Variants in CYP2J2 observed in about 807,000 individuals in gnomAD.
The protein encoded by CYP2J2 is cytochrome P450 2J2.
CYP2J2 carries 41 observed loss-of-function variants against 48.8 expected under a neutral mutation model. That is an observed-to-expected ratio of 0.84 (90% confidence interval 0.66 to 1.09). The LOEUF is 1.09. Ranked by LOEUF, CYP2J2 falls within the 50% of genes least tolerant of loss-of-function variation. The pLI, the probability that CYP2J2 is intolerant of heterozygous loss-of-function variation, is 0.00. For synonymous variants in CYP2J2, 221 were observed against 227.1 expected, an observed-to-expected ratio of 0.97 and a Z score of 0.24; for missense variants, 644 against 617.3, an observed-to-expected ratio of 1.04 and a Z score of -0.46.
chr1:59,959,716 A>T, the CYP2J2 span, among the ~76,000 whole-genome samples: 1 of 152,158 alleles, frequency 6.6e-6, no homozygotes, highest in Admixed American at 6.5e-5. Flanking sequence ...CTACTCAACC[A>T]TAAAAAGGAA....
rs11572247 is a variant in CYP2J2, at chr1:59,915,226, G to A, written c.373+712C>T. 5.8e-3 allele frequency among the ~76,000 whole-genome samples: 889 copies of A among 152,238 alleles called. 7 individuals are homozygous for A. The highest frequency in any genetic ancestry group is 0.019 in the African/African-American group (810 of 41,542). On this transcript the variant is annotated intron_variant, in intron 2 of 8. Transcript: ENST00000371204. Reference sequence around the variant, plus strand: ...GAAGTCAGAGACCGGTGCCAGTGCAGGTCCTTGGTATGCTGAGCGCCAGTC... The same window carrying A: ...GAAGTCAGAGACCGGTGCCAGTGCAAGTCCTTGGTATGCTGAGCGCCAGTC...
intron 7 of CYP2J2, among the ~76,000 whole-genome samples, chr1:59,904,092 G>A (rs985003125): frequency 4.6e-5 from 7 of 152,076 alleles, no homozygotes; most frequent in Admixed American, 1.3e-4. Context: ...TTATACATCT[G>A]TCAGAAGCAG....
At chr1:59,935,960 CAA>C in the CYP2J2 span, among the ~76,000 whole-genome samples, 1 of 151,684 alleles carries the variant, frequency 6.6e-6, no homozygotes, top group African/African-American at 2.4e-5. Flanking sequence ...GTTTTTAGTA[CAA>C]AAAAAAGTTT....
chr1:59,946,128 G>C, the CYP2J2 span, among the ~76,000 whole-genome samples: 1 of 152,102 alleles, frequency 6.6e-6, no homozygotes, highest in Non-Finnish European at 1.5e-5. Context: ...CAAAGTAAAA[G>C]CCACCATCCT....
the CYP2J2 span, among the ~76,000 whole-genome samples, chr1:59,939,377 T>A: frequency 2.0e-5 from 3 of 152,144 alleles, no homozygotes; most frequent in African/African-American, 7.2e-5. Flanking sequence ...TCTCGAAGAA[T>A]TCTCAGGCTT....
upstream of CYP2J2, among the ~76,000 whole-genome samples, chr1:59,927,514 CAT>C (rs1644577563): frequency 6.6e-6 from 1 of 152,168 alleles, no homozygotes; most frequent in African/African-American, 2.4e-5. Context: ...AAACATGAAA[CAT>C]AGCTCAGGAA....
chr1:59,958,694 C>T, the CYP2J2 span, among the ~76,000 whole-genome samples: 19 of 152,140 alleles, frequency 1.2e-4, no homozygotes, highest in Non-Finnish European at 1.8e-4. Flanking sequence ...TCTTAACCAC[C>T]ACATTACAGA....
chr1:59,901,105 T>C lies in CYP2J2; in HGVS notation c.1192-2A>G, dbSNP rs1461845708. The C allele has an allele frequency of 4.3e-6, 7 of 1,612,092 alleles. No individual in the cohort carries two copies. Among genetic ancestry groups the C allele is most frequent in the Non-Finnish European group, 5.9e-6 (7 of 1,178,386 alleles). ...CAAATTGGTCAGGATCATGGTACCC[T>C]AGAGAAAGCAGCAGAGACTCAGGCA... On this transcript the variant is annotated splice_acceptor_variant, in intron 7 of 8. Transcript: ENST00000371204. LOFTEE classifies it high-confidence loss of function.
the CYP2J2 span, among the ~76,000 whole-genome samples, chr1:59,937,909 CTTGA>C: frequency 2.6e-5 from 4 of 152,124 alleles, no homozygotes; most frequent in East Asian, 3.9e-4. Context: ...AGAATTTCTG[CTTGA>C]TTCTTTTTAA....
chr1:59,897,616 T>C (rs1458921111), intron 8 of CYP2J2, among the ~76,000 whole-genome samples: 5 of 152,202 alleles, frequency 3.3e-5, no homozygotes, highest in Non-Finnish European at 5.9e-5. Context: ...TGACTTACAA[T>C]TTTGGCAAAG....
chr1:59,900,505 A>T (rs975419662), intron 8 of CYP2J2, among the ~76,000 whole-genome samples: 1 of 152,160 alleles, frequency 6.6e-6, no homozygotes, highest in African/African-American at 2.4e-5. Context: ...ATGGTGGTGC[A>T]TGCCTGTAAT....
chr1:59,947,496 G>C, the CYP2J2 span, among the ~76,000 whole-genome samples: 1 of 152,118 alleles, frequency 6.6e-6, no homozygotes, highest in Non-Finnish European at 1.5e-5. Context: ...TCTGGGATGC[G>C]ATGGGTTGAG....
the CYP2J2 span, among the ~76,000 whole-genome samples, chr1:59,965,863 G>T: frequency 6.6e-6 from 1 of 152,078 alleles, no homozygotes; most frequent in Non-Finnish European, 1.5e-5. Flanking sequence ...TGTTGGTCAG[G>T]TTGGTCTCAA....
chr1:59,967,575 G>C, the CYP2J2 span, among the ~76,000 whole-genome samples: 1 of 152,174 alleles, frequency 6.6e-6, no homozygotes, highest in Non-Finnish European at 1.5e-5. Flanking sequence ...ACTTGCCTTT[G>C]TGTGTGTCGT....
chr1:59,949,239 G>C, the CYP2J2 span, among the ~76,000 whole-genome samples: 1 of 151,958 alleles, frequency 6.6e-6, no homozygotes, highest in Non-Finnish European at 1.5e-5. Flanking sequence ...ATGTTTTTGC[G>C]TGTGCATGGA....
the CYP2J2 span, among the ~76,000 whole-genome samples, chr1:59,946,933 C>A: frequency 4.6e-5 from 7 of 151,598 alleles, no homozygotes; most frequent in Admixed American, 3.9e-4. Context: ...TAATTCCTGG[C>A]AACTTCTGAA....
the CYP2J2 span, among the ~76,000 whole-genome samples, chr1:59,949,763 ATATT>A: frequency 6.7e-6 from 1 of 148,264 alleles, no homozygotes; most frequent in African/African-American, 2.5e-5. Context: ...CTCTCAGCAG[ATATT>A]TATTTTTCCC....
chr1:59,896,959 T>A (rs1396432025), intron 8 of CYP2J2, among the ~76,000 whole-genome samples: 3 of 152,252 alleles, frequency 2.0e-5, no homozygotes, highest in African/African-American at 7.2e-5. Flanking sequence ...TATTTTCCCA[T>A]GTAATTTAAT....
chr1:59,904,649 C>T, intron 7 of CYP2J2: 1 of 499,432 alleles, frequency 2.0e-6, no homozygotes, highest in Non-Finnish European at 3.5e-6. Context: ...AAAAGCCAGT[C>T]TTTATCTAAA....
Sources: allele counts gnomAD v4.1 joint callset (sites outside exome capture counted in the v4.1 genomes callset), GRCh38; gene constraint gnomAD v4.1.1; transcripts MANE v1.5; gene names NCBI Gene and HGNC (gene_info 2026-07-23, HGNC 2026-07-21).